The following CSGALNACT1 variants were observed in gnomAD, a reference collection of about 807,000 sequenced individuals.
CSGALNACT1 encodes beta4GalNAcT-1.
CSGALNACT1 carries 52 observed loss-of-function variants against 51.0 expected under a neutral mutation model. The ratio of observed to expected loss-of-function variants is 1.02; its 90% confidence interval spans 0.82 to 1.29. The LOEUF (loss-of-function observed/expected upper bound fraction) is 1.29, where lower values mean the gene tolerates loss of function less well. Among genes scored for constraint, CSGALNACT1 ranks in the 50% most tolerant of loss-of-function variants. The pLI, the probability that CSGALNACT1 is intolerant of heterozygous loss-of-function variation, is 0.00. For missense variants in CSGALNACT1, 935 were observed against 679.2 expected, an observed-to-expected ratio of 1.38 and a Z score of -4.19; for synonymous variants, 341 against 254.4, an observed-to-expected ratio of 1.34 and a Z score of -3.24.
At position 19,667,100 on chromosome 8, in the gene CSGALNACT1, G is replaced by GAAAGAGAGA. The variant is rs1386376643; in HGVS notation, c.-544+15372_-544+15373insTCTCTCTTT. Among the ~76,000 whole-genome samples, 85 of 54,130 alleles carry GAAAGAGAGA rather than the reference G, an allele frequency of 1.6e-3. 14 individuals carry two copies. The highest frequency in any genetic ancestry group is 4.2e-3 in the African/African-American group (50 of 11,774). 35.5% of individuals were successfully genotyped at this position (54,130 alleles called of 152,430 possible). On this transcript the variant is annotated intron_variant, in intron 1 of 9. Coordinates refer to the CSGALNACT1 transcript ENST00000332246. Reference sequence around the variant, plus strand: ...GAAAGAAAGAAAGAAAGAAAGAAAGGGAAAGAAATCTCATCACAATATCAA... The same window carrying GAAAGAGAGA: ...GAAAGAAAGAAAGAAAGAAAGAAAGGAAAGAGAGAGAAAGAAATCTCATCACAATATCAA...
At chr8:19,702,297 G>A (rs1458888278) in intron 1 of CSGALNACT1, among the ~76,000 whole-genome samples, 2 of 152,092 alleles carry the variant, frequency 1.3e-5, no homozygotes, top group East Asian at 3.9e-4. Context: ...GGCTGAGGCA[G>A]AAGGATTCCT....
intron 1 of CSGALNACT1, among the ~76,000 whole-genome samples, chr8:19,674,924 T>C (rs1173427693): frequency 6.6e-6 from 1 of 152,098 alleles, no homozygotes. Flanking sequence ...GCCTGAACAA[T>C]GAAAGCAGGG....
chr8:19,554,823 C>G (rs2089287713), intron 3 of CSGALNACT1, among the ~76,000 whole-genome samples: 1 of 152,044 alleles, frequency 6.6e-6, no homozygotes, highest in South Asian at 2.1e-4. Context: ...GAGGCTGAGA[C>G]AGGATAATCA....
At chr8:19,631,236 T>C (rs1418340813) in intron 1 of CSGALNACT1, among the ~76,000 whole-genome samples, 1 of 152,190 alleles carries the variant, frequency 6.6e-6, no homozygotes, top group Non-Finnish European at 1.5e-5. Context: ...TGCTCGCTTA[T>C]ATGCTAAGAC....
At chr8:19,419,893 C>A (rs528757007) in intron 7 of CSGALNACT1, among the ~76,000 whole-genome samples, 2 of 152,122 alleles carry the variant, frequency 1.3e-5, no homozygotes, top group Non-Finnish European at 2.9e-5. Flanking sequence ...TCCCATAATC[C>A]CCAGATATCC....
chr8:19,530,220 GAAAAAACAAA>G (rs869198845), intron 3 of CSGALNACT1, among the ~76,000 whole-genome samples: 3 of 133,786 alleles, frequency 2.2e-5, no homozygotes, highest in African/African-American at 9.1e-5. Flanking sequence ...GACTCTGGCT[GAAAAAACAAA>G]ACAAAACAAA....
chr8:19,451,961 T>A (rs2063256259), intron 5 of CSGALNACT1, among the ~76,000 whole-genome samples: 1 of 152,200 alleles, frequency 6.6e-6, no homozygotes. Context: ...GTTGATATTT[T>A]AAAGGTGATG....
At chr8:19,468,356 G>A (rs1288663360) in intron 4 of CSGALNACT1, among the ~76,000 whole-genome samples, 1 of 152,180 alleles carries the variant, frequency 6.6e-6, no homozygotes, top group Non-Finnish European at 1.5e-5. Flanking sequence ...ATGGGGGGAT[G>A]GGAGAATGCT....
chr8:19,606,697 G>C (rs572818624), upstream of CSGALNACT1, among the ~76,000 whole-genome samples: 2 of 152,190 alleles, frequency 1.3e-5, no homozygotes, highest in African/African-American at 4.8e-5. Context: ...TTTCACTCAA[G>C]TGGGTCACCC....
chr8:19,595,645 G>C (rs905817011), intron 2 of CSGALNACT1, among the ~76,000 whole-genome samples: 15 of 151,796 alleles, frequency 9.9e-5, no homozygotes, highest in African/African-American at 3.6e-4. Flanking sequence ...GCCAGACATG[G>C]TGGCTCACAC....
chr8:19,435,926 A>C (rs2060303079), intron 6 of CSGALNACT1, among the ~76,000 whole-genome samples: 1 of 152,130 alleles, frequency 6.6e-6, no homozygotes. Context: ...TTCATGAAAG[A>C]ATATTTATCC....
At chr8:19,733,750 G>A (rs1246150948) in intron 1 of CSGALNACT1, among the ~76,000 whole-genome samples, 3 of 152,188 alleles carry the variant, frequency 2.0e-5, no homozygotes, top group African/African-American at 7.2e-5. Context: ...TAGCTAAGGT[G>A]AGAATTCTAC....
intron 1 of CSGALNACT1, among the ~76,000 whole-genome samples, chr8:19,746,811 C>A (rs1425281360): frequency 1.3e-5 from 2 of 152,176 alleles, no homozygotes; most frequent in Non-Finnish European, 2.9e-5. Flanking sequence ...ATTAAATAAA[C>A]AAACACGATC....
intron 5 of CSGALNACT1, among the ~76,000 whole-genome samples, chr8:19,445,554 TTC>T (rs774765132): frequency 6.6e-6 from 1 of 152,212 alleles, no homozygotes; most frequent in Non-Finnish European, 1.5e-5. Flanking sequence ...TCGTGTACTC[TTC>T]TCTTTCATTC....
At chr8:19,510,304 A>G (rs1359907376) in intron 3 of CSGALNACT1, among the ~76,000 whole-genome samples, 2 of 152,182 alleles carry the variant, frequency 1.3e-5, no homozygotes, top group African/African-American at 4.8e-5. Context: ...AGGCTTCTTC[A>G]TGGTCTTCTG....
In CSGALNACT1 at chr8:19,623,284, G is replaced by A. The variant is rs367744358; in HGVS notation, c.-543-21419C>T. Among the ~76,000 whole-genome samples the A allele has an allele frequency of 1.4e-4, 22 of 152,156 alleles. 1 individual carries two copies. The highest frequency in any genetic ancestry group is 9.8e-4 in the Admixed American group (15 of 15,276). On this transcript the variant is annotated intron_variant, in intron 1 of 9. Transcript: ENST00000332246. The stretch of plus-strand genomic sequence containing the variant: ...AAGAAAAAAGTGGATGAATTAAAGG[G>A]AGAAGTAATAATAATCCTTAATCAT...
intron 5 of CSGALNACT1, among the ~76,000 whole-genome samples, chr8:19,444,004 T>A (rs1331332887): frequency 1.3e-5 from 2 of 152,132 alleles, no homozygotes; most frequent in African/African-American, 4.8e-5. Context: ...CACAATAAGG[T>A]TCACCCTCCT....
In CSGALNACT1 at chr8:19,700,793, A is replaced by G. The variant is rs543670995; in HGVS notation, c.-297+57057T>C. On this transcript the variant is annotated intron_variant, in intron 1 of 1. Coordinates refer to the CSGALNACT1 transcript ENST00000517494. ...ATCAACCTCTATAAAATTCTTTGAA[A>G]CCCTTGAGGTCACTTTCCTGCAGTG... 7.5e-4 allele frequency among the ~76,000 whole-genome samples: 114 copies of G among 152,272 alleles called. 1 individual carries two copies. The highest frequency in any genetic ancestry group is 2.6e-3 in the African/African-American group (108 of 41,554).
chr8:19,707,498 T>C (rs2062238540), intron 1 of CSGALNACT1, among the ~76,000 whole-genome samples: 1 of 152,190 alleles, frequency 6.6e-6, no homozygotes, highest in Non-Finnish European at 1.5e-5. Flanking sequence ...AGAAATCCTC[T>C]ACAATTTATC....
Sources: allele counts gnomAD v4.1 joint callset (sites outside exome capture counted in the v4.1 genomes callset), GRCh38; gene constraint gnomAD v4.1.1; transcripts MANE v1.5; gene names NCBI Gene and HGNC (gene_info 2026-07-23, HGNC 2026-07-21).